The following ZNF76 variants were observed in gnomAD, a reference collection of about 807,000 sequenced individuals.
The protein encoded by ZNF76 is zinc finger protein 76, also known as zinc finger protein 523.
ZNF76 carries 66 observed loss-of-function variants against 66.9 expected under a neutral mutation model. That is an observed-to-expected ratio of 0.99 (90% CI 0.81 to 1.21). ZNF76 has a LOEUF of 1.21. Ranked by LOEUF, ZNF76 falls within the 50% of genes most tolerant of loss-of-function variation. ZNF76 has a pLI of 0.00. For missense variants in ZNF76, 729 were observed against 760.3 expected, an observed-to-expected ratio of 0.96 and a Z score of 0.48; for synonymous variants, 275 against 296.1, an observed-to-expected ratio of 0.93 and a Z score of 0.73.
intron 12 of ZNF76, 26 bp downstream of exon 12, chr6:35,293,941 TTTC>T: frequency 6.2e-7 from 1 of 1,610,488 alleles, no homozygotes; most frequent in Non-Finnish European, 8.5e-7. Flanking sequence ...TTGCTTGGGG[TTTC>T]TTATTTTGTC....
At chr6:35,289,998 C>T (rs1790132061) in intron 5 of ZNF76, among the ~76,000 whole-genome samples, 1 of 152,168 alleles carries the variant, frequency 6.6e-6, no homozygotes, top group African/African-American at 2.4e-5. Context: ...TATGTGATAG[C>T]CTTTCTTCAA....
intron 4 of ZNF76, chr6:35,286,611 G>A: frequency 1.6e-6 from 1 of 610,576 alleles, no homozygotes; most frequent in Non-Finnish European, 2.9e-6. Flanking sequence ...TGGGAGGTGA[G>A]CCTTGGAGAT....
In ZNF76 at chr6:35,292,216, G is replaced by A; in HGVS notation, c.932-338G>A. ...CTTTCCCATCACAACTGATACTTCAGTCATCCTTGCCTCTTGCCTCTGCTG... is the reference window on the plus strand; with the variant it reads ...CTTTCCCATCACAACTGATACTTCAATCATCCTTGCCTCTTGCCTCTGCTG... On this transcript the variant is annotated intron_variant, in intron 9 of 13. Transcript: ENST00000373953. This position sits in a 1 kb window ranked among gnomAD's most constrained non-coding sequence, Gnocchi z 4.7. 1 of 441,350 alleles carries A rather than the reference G, an allele frequency of 2.3e-6. No individual in the cohort carries two copies. 27.3% of individuals were successfully genotyped at this position (441,350 alleles called of 1,614,324 possible).
intron 12 of ZNF76, 84 bp from the exon 13 acceptor site, chr6:35,294,372 C>T: frequency 3.1e-6 from 3 of 954,272 alleles, no homozygotes; most frequent in Middle Eastern, 2.7e-4. Flanking sequence ...GTTCCCAGCA[C>T]CTTAATTGGA....
At chr6:35,260,286 T>A (rs1785033128) in intron 1 of ZNF76, among the ~76,000 whole-genome samples, 1 of 150,796 alleles carries the variant, frequency 6.6e-6, no homozygotes, top group African/African-American at 2.5e-5. Flanking sequence ...TGGGTAACCC[T>A]CCTGGCCCAG....
At chr6:35,281,439 C>A (rs765686911) in intron 2 of ZNF76, among the ~76,000 whole-genome samples, 5 of 152,126 alleles carry the variant, frequency 3.3e-5, no homozygotes, top group Non-Finnish European at 7.4e-5. Context: ...GTCATAGGAA[C>A]CAATACCTCT....
intron 2 of ZNF76, among the ~76,000 whole-genome samples, chr6:35,283,667 C>G (rs912576242): frequency 1.3e-5 from 2 of 152,150 alleles, no homozygotes; most frequent in African/African-American, 4.8e-5. Context: ...TCAGACAACT[C>G]TTCTCAACAT....
chr6:35,291,346 T>C lies in ZNF76; in HGVS notation c.694T>C (p.Cys232Arg). The C allele has an allele frequency of 5.0e-6, 8 of 1,614,074 alleles. No homozygotes were observed. The highest frequency in any genetic ancestry group is 6.8e-6 in the Non-Finnish European group (8 of 1,179,974). Residue 232 changes from cysteine (C) to arginine (R), a missense_variant, in exon 8 of 14, where the codon TGC becomes CGC. Transcript: ENST00000373953. Reference protein sequence around the residue: ...EKPYKCPEELCSKAFKTSGDL... With the variant: ...EKPYKCPEELRSKAFKTSGDL... ...ACCATACAAGTGCCCAGAGGAGCTGTGCAGCAAGGCCTTCAAGACCTCAGG... is the reference window on the plus strand; with the variant it reads ...ACCATACAAGTGCCCAGAGGAGCTGCGCAGCAAGGCCTTCAAGACCTCAGG...
At chr6:35,290,032 T>G (rs1464692985) in intron 5 of ZNF76, among the ~76,000 whole-genome samples, 1 of 152,200 alleles carries the variant, frequency 6.6e-6, no homozygotes, top group Non-Finnish European at 1.5e-5. Flanking sequence ...CACTATGACC[T>G]GTAGGTCTCC....
rs1790657563 is a variant in ZNF76, at chr6:35,293,011, G to C, written c.1296G>C (p.Gln432His). 2 of 1,614,130 alleles carry C rather than the reference G, an allele frequency of 1.2e-6. No homozygotes were observed. Among genetic ancestry groups the C allele is most frequent in the Non-Finnish European group, 1.7e-6 (2 of 1,180,036 alleles). Reference sequence around the variant, plus strand: ...TGACTGAAGAAGATGGGGCCCCCCAGGTGGCTCTGATCACTCAGGATGGTG... The same window carrying C: ...TGACTGAAGAAGATGGGGCCCCCCACGTGGCTCTGATCACTCAGGATGGTG... ...AMVTEEDGAP[Q>H]VALITQDGAQ... Residue 432 changes from glutamine to histidine, a missense_variant, in exon 11 of 14, where the codon CAG becomes CAC. Gln to His is a conservative substitution (Grantham distance 24, BLOSUM62 0). Transcript: ENST00000373953.
intron 2 of ZNF76, among the ~76,000 whole-genome samples, chr6:35,282,176 T>C (rs1453544555): frequency 2.0e-5 from 3 of 151,938 alleles, no homozygotes; most frequent in African/African-American, 4.8e-5. Flanking sequence ...GATAGACATA[T>C]ATAAATGTGG....
rs553679712 is a variant in ZNF76 at position 35,293,773 on chromosome 6, T to G, written c.1352T>G (p.Leu451Arg). ...CAGGTCAGCCTGTCCCCGGAAGACCTGCAGGCCCTGGGGAGTGCCATCAGT... is the reference window on the plus strand; with the variant it reads ...CAGGTCAGCCTGTCCCCGGAAGACCGGCAGGCCCTGGGGAGTGCCATCAGT... ...AQQVSLSPED[L>R]QALGSAISMV... Residue 451 changes from leucine (L) to arginine (R), a missense_variant, in exon 12 of 14, where the codon CTG becomes CGG. Leu to Arg is a moderately radical substitution (Grantham distance 102, BLOSUM62 -2). Transcript: ENST00000373953. 6.2e-7 allele frequency: 1 copy of G among 1,614,054 alleles called. No individual in the cohort carries two copies. Among genetic ancestry groups the G allele is most frequent in the Admixed American group, 1.7e-5 (1 of 60,014 alleles).
Position 35,292,687 on chromosome 6 carries a change from G to T in ZNF76, c.1065G>T (p.Arg355=), listed in dbSNP as rs1200118313. 3 of 1,614,168 alleles carry T rather than the reference G, an allele frequency of 1.9e-6. No individual in the cohort carries two copies. Among genetic ancestry groups the T allele is most frequent in the Admixed American group, 1.7e-5 (1 of 60,032 alleles). The part of the protein sequence containing the change: ...YTCSTCGKTY[R]QTSTLAMHKR... Reference sequence around the variant, plus strand: ...GCAGCACCTGCGGCAAGACCTACCGGCAGACCTCCACCTTGGCCATGCACA... The same window carrying T: ...GCAGCACCTGCGGCAAGACCTACCGTCAGACCTCCACCTTGGCCATGCACA... Residue 355 remains arginine (R), a synonymous_variant, in exon 10 of 14, where the codon CGG becomes CGT. Coordinates refer to ENST00000373953, the MANE Select transcript of ZNF76 (RefSeq NM_003427.5). This position sits in a 1 kb window ranked among gnomAD's most constrained non-coding sequence, Gnocchi z 4.7.
Position 35,295,207 on chromosome 6 carries a change from G to T in ZNF76, c.1672G>T (p.Ala558Ser). ...GGCCACTGCGGCCATGCAGCAAGGG[G>T]CTGTGACCCTGGAGACAACAGTGTC... ...NVATAAMQQG[A>S]VTLETTVSES... The change falls in exon 14 of 14, where the codon GCT becomes TCT. Residue 558 changes from alanine (A) to serine (S), a missense_variant. Physicochemically the swap from Ala to Ser is moderately conservative, Grantham distance 99. Transcript: ENST00000373953. 5 of 1,611,600 alleles carry T rather than the reference G, an allele frequency of 3.1e-6. No homozygotes were observed. The highest frequency in any genetic ancestry group is 4.2e-6 in the Non-Finnish European group (5 of 1,178,948).
chr6:35,281,312 T>C (rs1788738110), intron 2 of ZNF76, 88 bp downstream of exon 2: 18 of 1,284,604 alleles, frequency 1.4e-5, no homozygotes, highest in African/African-American at 2.9e-5. Flanking sequence ...ACCATCACCT[T>C]GCCCTCCCGC....
intron 1 of ZNF76, among the ~76,000 whole-genome samples, chr6:35,264,650 A>G (rs2150336589): frequency 6.6e-6 from 1 of 152,286 alleles, no homozygotes; most frequent in Middle Eastern, 3.4e-3. Flanking sequence ...CTTGGAAAAC[A>G]CCTCAGAGCA....
intron 1 of ZNF76, among the ~76,000 whole-genome samples, chr6:35,275,097 G>A (rs1208894724): frequency 6.6e-6 from 1 of 152,082 alleles, no homozygotes; most frequent in Non-Finnish European, 1.5e-5. Context: ...GGAGGTTGCA[G>A]TGAGCCGAGA....
At chr6:35,263,769 G>C (rs535021593) in intron 1 of ZNF76, among the ~76,000 whole-genome samples, 16 of 152,098 alleles carry the variant, frequency 1.1e-4, no homozygotes, top group Admixed American at 5.2e-4. Flanking sequence ...TTTTCTTTTC[G>C]AGATGGAGTC....
At position 35,273,478 on chromosome 6, in the gene ZNF76, T is replaced by C. The variant is rs184700100; in HGVS notation, c.-96-7578T>C. 5.7e-3 allele frequency among the ~76,000 whole-genome samples: 870 copies of C among 151,570 alleles called. 7 individuals carry two copies. The highest frequency in any genetic ancestry group is 0.017 in the African/African-American group (692 of 41,420). Reference sequence around the variant, plus strand: ...GTGAGCCACTGCACCTGGCCAGACATTGATTTTTAAAGCCCAAGTCAGGGC... The same window carrying C: ...GTGAGCCACTGCACCTGGCCAGACACTGATTTTTAAAGCCCAAGTCAGGGC... On this transcript the variant is annotated intron_variant, in intron 1 of 13. Coordinates refer to ENST00000373953, the MANE Select transcript of ZNF76 (RefSeq NM_003427.5).
Sources: allele counts gnomAD v4.1 joint callset (sites outside exome capture counted in the v4.1 genomes callset), GRCh38; gene constraint gnomAD v4.1.1; non-coding constraint Gnocchi (gnomAD v3.1); transcripts MANE v1.5; gene names NCBI Gene and HGNC (gene_info 2026-07-23, HGNC 2026-07-21).